Variants in SGO2 observed in about 807,000 individuals in gnomAD.
SGO2 encodes shugoshin-like 2.
In SGO2, 68 loss-of-function variants were observed where a neutral mutation model predicts 99.5. The observed-to-expected ratio is 0.68, with a 90% CI of 0.56 to 0.84. SGO2 has a LOEUF of 0.84. SGO2 is among the 40% of genes least tolerant of loss of function. The pLI is 0.00. For missense variants in SGO2, 1,350 were observed against 1,436.7 expected (o/e 0.94, Z 0.97); for synonymous variants, 457 against 487.1 (o/e 0.94, Z 0.81).
rs567009443 is a variant in SGO2 at position 200,557,653 on chromosome 2, T to C, written c.474-12010T>C. 3.3e-5 allele frequency among the ~76,000 whole-genome samples: 5 copies of C among 152,314 alleles called. No individual in the cohort carries two copies. The East Asian group carries it at 9.6e-4, about 29-fold the overall frequency. ...TTTTTAAATTTAATTTTCTTCTTGATGTTAATATATAGCAATATGATTTTT... is the reference window on the plus strand; with the variant it reads ...TTTTTAAATTTAATTTTCTTCTTGACGTTAATATATAGCAATATGATTTTT... On this transcript the variant is annotated intron_variant, in intron 5 of 8. Coordinates refer to ENST00000357799, the MANE Select transcript of SGO2 (RefSeq NM_152524.6).
intron 5 of SGO2, among the ~76,000 whole-genome samples, chr2:200,568,460 A>G (rs2033275762): frequency 1.3e-5 from 2 of 152,214 alleles, no homozygotes; most frequent in African/African-American, 4.8e-5. Flanking sequence ...AAAATAAGCA[A>G]CATCTGAAAT....
rs769244312 is a variant in SGO2 at position 200,573,322 on chromosome 2, C to T, written c.2976C>T (p.Cys992=). 5 of 1,604,524 alleles carry T rather than the reference C, an allele frequency of 3.1e-6. No homozygotes were observed. Among genetic ancestry groups the T allele is most frequent in the Non-Finnish European group, 4.2e-6 (5 of 1,177,380 alleles). ...AAAAACGTAAGAAAGAATCATCATG[C>T]AAGGCAAAGAACATTTTGACAAAAG... ...VVKKRKKESS[C]KAKNILTKAK... The change falls in exon 7 of 9, where the codon TGC becomes TGT. Residue 992 remains cysteine, a synonymous_variant. Coordinates refer to ENST00000357799, the MANE Select transcript of SGO2 (RefSeq NM_152524.6).
At chr2:200,574,764 G>A (rs2033587832) in intron 7 of SGO2, among the ~76,000 whole-genome samples, 2 of 152,034 alleles carry the variant, frequency 1.3e-5, no homozygotes. Flanking sequence ...TGTGCATGCA[G>A]ACCCAAATCT....
chr2:200,580,613 C>T (rs556243866), intron 8 of SGO2: 18 of 302,254 alleles, frequency 6.0e-5, no homozygotes, highest in African/African-American at 4.0e-4. Flanking sequence ...GAGAGGATCA[C>T]TTGAGCCCAA....
chr2:200,566,957 G>T (rs939232094), intron 5 of SGO2, among the ~76,000 whole-genome samples: 1 of 152,184 alleles, frequency 6.6e-6, no homozygotes, highest in South Asian at 2.1e-4. Context: ...AATTTTCCAG[G>T]TGCTGTGTGT....
intron 5 of SGO2, among the ~76,000 whole-genome samples, chr2:200,563,487 G>A (rs1459752630): frequency 2.0e-5 from 3 of 152,136 alleles, no homozygotes; most frequent in Admixed American, 6.6e-5. Context: ...TTCTTGCATC[G>A]ATGTTCATCA....
At chr2:200,561,908 A>AT (rs1384101815) in intron 5 of SGO2, among the ~76,000 whole-genome samples, 1 of 151,574 alleles carries the variant, frequency 6.6e-6, no homozygotes, top group Non-Finnish European at 1.5e-5. Flanking sequence ...GGGTTGTTTG[A>AT]TTTTTTCTTG....
intron 5 of SGO2, among the ~76,000 whole-genome samples, chr2:200,567,340 T>G (rs945210766): frequency 2.0e-5 from 3 of 152,248 alleles, no homozygotes; most frequent in African/African-American, 4.8e-5. Flanking sequence ...CAAACTCAGC[T>G]TTTGGCTTCA....
intron 5 of SGO2, among the ~76,000 whole-genome samples, chr2:200,566,504 G>T (rs1377358718): frequency 6.6e-6 from 1 of 152,186 alleles, no homozygotes; most frequent in Non-Finnish European, 1.5e-5. Flanking sequence ...TCCCAGTTAG[G>T]CTACTCAGGG....
rs1293623781 is a variant in SGO2 at position 200,526,569 on chromosome 2, A to G, written c.-3+317A>G. Among the ~76,000 whole-genome samples, 1 of 152,024 alleles carries G rather than the reference A, an allele frequency of 6.6e-6. No homozygotes were observed. The highest frequency in any genetic ancestry group is 1.9e-4 in the East Asian group (1 of 5,188). On this transcript the variant is annotated intron_variant, in intron 1 of 8. Coordinates refer to ENST00000357799, the MANE Select transcript of SGO2 (RefSeq NM_152524.6). The surrounding 1 kb of genome is among the most constrained non-coding windows in gnomAD (Gnocchi z 4.8). ...CTGGGACTGCTCTACTCCCTTGAAC[A>G]GTTTCTAGGGCATTGTGAGCGCTCA...
In SGO2 at chr2:200,573,997, G is replaced by T. The variant is rs1265001213; in HGVS notation, c.3631+20G>T. The T allele has an allele frequency of 6.6e-7, 1 of 1,508,520 alleles. No individual in the cohort carries two copies. Among genetic ancestry groups the T allele is most frequent in the South Asian group, 1.4e-5 (1 of 73,870 alleles). The allele number at this position is 1,508,520 out of a possible 1,614,324, so 93.4% of individuals were successfully genotyped here. ...GAATAGGTAGGTTAATAACCATTAT[G>T]AAATGATAAAGTTTTAGAAGTGTTT... On this transcript the variant is annotated intron_variant, in intron 7 of 8. Coordinates refer to ENST00000357799, the MANE Select transcript of SGO2 (RefSeq NM_152524.6).
At position 200,536,089 on chromosome 2, in the gene SGO2, G is replaced by A. The variant is rs777409803; in HGVS notation, c.334G>A (p.Ala112Thr). The A allele has an allele frequency of 1.6e-5, 25 of 1,590,450 alleles. No individual in the cohort carries two copies. Among genetic ancestry groups the A allele is most frequent in the Non-Finnish European group, 2.1e-5 (24 of 1,164,606 alleles). Residue 112 changes from alanine to threonine, a missense_variant, in exon 4 of 9, where the codon GCT (alanine) becomes ACT (threonine). Ala to Thr is a moderately conservative substitution (Grantham distance 58). Coordinates refer to ENST00000357799, the MANE Select transcript of SGO2 (RefSeq NM_152524.6). ...NLNKKLIDIE[A>T]LMNNNLITAI... ...GAATAAGAAGCTTATAGACATAGAA[G>A]CTCTCATGAACAATAACTTGATAAC...
chr2:200,574,454 C>G (rs2033578484), intron 7 of SGO2, among the ~76,000 whole-genome samples: 1 of 152,002 alleles, frequency 6.6e-6, no homozygotes, highest in African/African-American at 2.4e-5. Context: ...AACCCCCTTT[C>G]CTCAGATTCC....
In SGO2 at chr2:200,537,216, T is replaced by G. The variant is rs139683253; in HGVS notation, c.387+1074T>G. Among the ~76,000 whole-genome samples, 10 of 152,160 alleles carry G rather than the reference T, an allele frequency of 6.6e-5. No homozygotes were observed. The East Asian group carries it at 1.9e-3, about 29-fold the overall frequency. ...TTGGCTTGTGTTAGTGTAGAGTGCCTTTCCCTCTTGCATCATTAATTTTTT... is the reference window on the plus strand; with the variant it reads ...TTGGCTTGTGTTAGTGTAGAGTGCCGTTCCCTCTTGCATCATTAATTTTTT... On this transcript the variant is annotated intron_variant, in intron 4 of 8. Transcript: ENST00000357799.
At chr2:200,574,088 T>A in intron 7 of SGO2, 111 bp downstream of exon 7, 1 of 776,714 alleles carries the variant, frequency 1.3e-6, no homozygotes, top group Non-Finnish European at 2.0e-6. Context: ...TTATGGAATT[T>A]AAAAACAATA....
At chr2:200,576,225 TTC>T (rs71749023) in intron 8 of SGO2, 47,151 of 211,070 alleles carry the variant, frequency 0.22, 4,611 homozygotes, top group Non-Finnish European at 0.27. Flanking sequence ...CCTTTTTTTT[TTC>T]TTTTTTCTTT....
At chr2:200,552,953 C>T (rs2032557781) in intron 5 of SGO2, among the ~76,000 whole-genome samples, 2 of 152,076 alleles carry the variant, frequency 1.3e-5, no homozygotes, top group Non-Finnish European at 1.5e-5. Flanking sequence ...CCGCACCCCC[C>T]CGCCCCCTTT....
intron 5 of SGO2, among the ~76,000 whole-genome samples, chr2:200,559,537 T>TA (rs2032856868): frequency 1.3e-5 from 2 of 152,264 alleles, no homozygotes; most frequent in East Asian, 1.9e-4. Context: ...GCCTCTCTTT[T>TA]AAAAAAATAA....
At chr2:200,578,167 G>GATATAGATATAGATATAGATATAGAT in intron 8 of SGO2, among the ~76,000 whole-genome samples, 1 of 151,910 alleles carries the variant, frequency 6.6e-6, no homozygotes, top group South Asian at 2.1e-4. Flanking sequence ...TATAGATATA[G>GATATAGATATAGATATAGATATAGAT]ATATAGATAT....
Sources: gnomAD v4.1 joint callset for allele counts (sites outside exome capture counted in the v4.1 genomes callset) on GRCh38, gnomAD v4.1.1 for gene constraint, Gnocchi (gnomAD v3.1) non-coding constraint, MANE v1.5 for transcripts, NCBI Gene and HGNC (gene_info 2026-07-23, HGNC 2026-07-21) for gene names.